CNTN4: variants seen among roughly 807,000 people sequenced by gnomAD.
CNTN4 encodes the protein contactin-4.
A neutral mutation model predicts 122.5 loss-of-function variants in CNTN4; 77 were observed. That is an observed-to-expected ratio of 0.63 (90% confidence interval 0.52 to 0.76). The LOEUF (loss-of-function observed/expected upper bound fraction) is 0.76. CNTN4 is among the 30% of genes least tolerant of loss of function. The pLI is 0.00. For missense variants in CNTN4, 1,256 were observed against 1,259.1 expected, an observed-to-expected ratio of 1.00 and a Z score of 0.04; for synonymous variants, 512 against 447.0, an observed-to-expected ratio of 1.15 and a Z score of -1.83.
At chr3:2,415,201 C>A (rs770522983) in intron 3 of CNTN4, among the ~76,000 whole-genome samples, 1 of 152,114 alleles carries the variant, frequency 6.6e-6, no homozygotes, top group African/African-American at 2.4e-5. Flanking sequence ...GCTAAGAAAA[C>A]CAGTGTCTAT....
At chr3:2,658,193 G>A (rs1204354547) in intron 4 of CNTN4, among the ~76,000 whole-genome samples, 1 of 151,694 alleles carries the variant, frequency 6.6e-6, no homozygotes, top group Non-Finnish European at 1.5e-5. Flanking sequence ...CAGCGGGGAG[G>A]AGCCTGGCTG....
chr3:2,407,093 T>C (rs774636394), intron 3 of CNTN4, among the ~76,000 whole-genome samples: 50 of 152,142 alleles, frequency 3.3e-4, no homozygotes, highest in Admixed American at 3.3e-3. Flanking sequence ...CATATTGAAG[T>C]GAACAACTTT....
intron 4 of CNTN4, among the ~76,000 whole-genome samples, chr3:2,574,635 C>G (rs2079578507): frequency 6.6e-6 from 1 of 152,088 alleles, no homozygotes; most frequent in Non-Finnish European, 1.5e-5. Context: ...CATTATTCTT[C>G]TTCTTCACCA....
At chr3:2,169,915 TG>T (rs1430049263) in intron 2 of CNTN4, among the ~76,000 whole-genome samples, 2 of 152,218 alleles carry the variant, frequency 1.3e-5, no homozygotes, top group Admixed American at 1.3e-4. Context: ...AGATTGTATA[TG>T]GGTTCTTCAA....
At chr3:2,148,595 T>C (rs1032693050) in intron 2 of CNTN4, among the ~76,000 whole-genome samples, 4 of 152,064 alleles carry the variant, frequency 2.6e-5, no homozygotes, top group African/African-American at 4.8e-5. Context: ...TTCTAACTTC[T>C]GGTTTTAAAT....
chr3:2,620,207 A>G (rs1321187509), intron 4 of CNTN4, among the ~76,000 whole-genome samples: 4 of 152,202 alleles, frequency 2.6e-5, no homozygotes, highest in Non-Finnish European at 4.4e-5. Flanking sequence ...TGAATTTAAG[A>G]TAGGCATTCA....
intron 2 of CNTN4, among the ~76,000 whole-genome samples, chr3:2,184,686 C>T (rs1038526498): frequency 3.3e-5 from 5 of 152,100 alleles, no homozygotes; most frequent in African/African-American, 1.2e-4. Flanking sequence ...ACCCCTCCAT[C>T]CCTTCATGTA....
intron 2 of CNTN4, among the ~76,000 whole-genome samples, chr3:2,297,002 A>T (rs1408710871): frequency 6.6e-6 from 1 of 152,170 alleles, no homozygotes; most frequent in African/African-American, 2.4e-5. Flanking sequence ...CAATTTCAAA[A>T]AGTCTTTCTT....
At chr3:2,804,070 C>T (rs1370965260) in intron 6 of CNTN4, among the ~76,000 whole-genome samples, 2 of 67,380 alleles carry the variant, frequency 3.0e-5, no homozygotes, top group Admixed American at 3.7e-4. Context: ...TGTCTGCACA[C>T]ACACACACAC....
chr3:2,844,363 T>C (rs893145132), intron 7 of CNTN4, among the ~76,000 whole-genome samples: 1 of 152,234 alleles, frequency 6.6e-6, no homozygotes, highest in Non-Finnish European at 1.5e-5. Flanking sequence ...AAGGTCACCA[T>C]AGATATATTG....
chr3:3,037,521 T>C, intron 18 of CNTN4, 193 bp downstream of exon 18: 2 of 719,556 alleles, frequency 2.8e-6, no homozygotes, highest in Admixed American at 2.2e-5. Context: ...AATCAAGAGT[T>C]GTTTTCTTCA....
At chr3:3,003,684 CAAAAAAAAAAA>C (rs58290160) in intron 14 of CNTN4, among the ~76,000 whole-genome samples, 42 of 76,980 alleles carry the variant, frequency 5.5e-4, no homozygotes, top group South Asian at 2.0e-3. Context: ...ATGGTTGCAC[CAAAAAAAAAAA>C]AAAAAAAAAA....
intron 14 of CNTN4, among the ~76,000 whole-genome samples, chr3:3,024,402 A>AC (rs1252329349): frequency 1.2e-4 from 18 of 150,082 alleles, no homozygotes; most frequent in Non-Finnish European, 1.6e-4. Flanking sequence ...AAAAAAAAAA[A>AC]AAAAAACAAC....
At chr3:2,138,052 A>C (rs1003198515) in intron 2 of CNTN4, among the ~76,000 whole-genome samples, 1 of 150,972 alleles carries the variant, frequency 6.6e-6, no homozygotes, top group Non-Finnish European at 1.5e-5. Flanking sequence ...TCACCTCCCA[A>C]TATTCTTCTT....
intron 12 of CNTN4, among the ~76,000 whole-genome samples, chr3:2,924,632 A>C (rs2094456714): frequency 6.6e-6 from 1 of 152,220 alleles, no homozygotes; most frequent in Non-Finnish European, 1.5e-5. Context: ...CTCTGATAGT[A>C]TTTCCATAGG....
At chr3:2,264,420 TA>T (rs1192043751) in intron 2 of CNTN4, among the ~76,000 whole-genome samples, 1 of 152,278 alleles carries the variant, frequency 6.6e-6, no homozygotes, top group African/African-American at 2.4e-5. Context: ...TGTCTTCTTT[TA>T]AAAAATGTCT....
chr3:3,015,622 G>A (rs747441659), intron 14 of CNTN4, among the ~76,000 whole-genome samples: 18 of 152,138 alleles, frequency 1.2e-4, no homozygotes, highest in Non-Finnish European at 2.2e-4. Flanking sequence ...TTGCTGACAG[G>A]AGCAGGTTAA....
At chr3:2,787,832 C>T (rs1438448078) in intron 6 of CNTN4, among the ~76,000 whole-genome samples, 1 of 151,000 alleles carries the variant, frequency 6.6e-6, no homozygotes, top group Non-Finnish European at 1.5e-5. Flanking sequence ...CTCTGTTGCC[C>T]AGGCTAGAGT....
At chr3:2,561,084 C>T (rs1363346669) in intron 3 of CNTN4, among the ~76,000 whole-genome samples, 1 of 152,128 alleles carries the variant, frequency 6.6e-6, no homozygotes, top group Non-Finnish European at 1.5e-5. Context: ...CTAAGTGTAT[C>T]CAAGTAAAAG....
Sources: gnomAD v4.1 joint callset for allele counts (sites outside exome capture counted in the v4.1 genomes callset) on GRCh38, gnomAD v4.1.1 for gene constraint, MANE v1.5 for transcripts, NCBI Gene and HGNC (gene_info 2026-07-23, HGNC 2026-07-21) for gene names.